The following PTPRD variants were observed in gnomAD, a reference collection of about 807,000 sequenced individuals.
The protein encoded by PTPRD is receptor-type tyrosine-protein phosphatase delta.
PTPRD carries 34 observed loss-of-function variants against 214.5 expected under a neutral mutation model. That is an observed-to-expected ratio of 0.16 (90% CI 0.12 to 0.21). The LOEUF is 0.21. Among genes scored for constraint, PTPRD ranks in the 10% least tolerant of loss-of-function variants. The pLI is 1.00. For missense variants in PTPRD, 2,545 were observed against 2,398.7 expected, an observed-to-expected ratio of 1.06 and a Z score of -1.27; for synonymous variants, 1,128 against 845.7, an observed-to-expected ratio of 1.33 and a Z score of -5.79.
chr9:8,507,755 T>C (rs1400997715), intron 21 of PTPRD, among the ~76,000 whole-genome samples: 2 of 152,170 alleles, frequency 1.3e-5, no homozygotes, highest in Non-Finnish European at 2.9e-5. Context: ...AATAATATAA[T>C]TTACATAAAG....
At chr9:10,173,104 A>G (rs1464822863) in intron 3 of PTPRD, among the ~76,000 whole-genome samples, 6 of 152,306 alleles carry the variant, frequency 3.9e-5, no homozygotes, top group Middle Eastern at 6.8e-3. Flanking sequence ...TATTTGGAAT[A>G]TAACATTAGC....
chr9:9,195,416 GT>G (rs1199024602), intron 9 of PTPRD, among the ~76,000 whole-genome samples: 1 of 152,034 alleles, frequency 6.6e-6, no homozygotes, highest in African/African-American at 2.4e-5. Context: ...AGAATATCTC[GT>G]TTAGTCTAAA....
At position 9,083,519 on chromosome 9, in the gene PTPRD, A is replaced by G. The variant is rs549365893; in HGVS notation, c.-142-64784T>C. ...CTAAGGCTTCATGACTAAAACATCA[A>G]AGCAATAGCAACAAAAGCCAAAATT... On this transcript the variant is annotated intron_variant, in intron 10 of 45. Coordinates refer to ENST00000381196, the MANE Select transcript of PTPRD (RefSeq NM_002839.4). Among the ~76,000 whole-genome samples the G allele has an allele frequency of 3.9e-5, 6 of 152,310 alleles. No homozygotes were observed. The East Asian group carries it at 1.2e-3, about 29-fold the overall frequency.
chr9:9,644,705 T>A (rs1408683450), intron 7 of PTPRD, among the ~76,000 whole-genome samples: 2 of 138,394 alleles, frequency 1.4e-5, no homozygotes, highest in African/African-American at 5.4e-5. Flanking sequence ...AGCCAAAATG[T>A]TGCTTTTTCC....
chr9:9,413,179 A>G (rs1462655054), intron 8 of PTPRD, among the ~76,000 whole-genome samples: 4 of 130,280 alleles, frequency 3.1e-5, no homozygotes, highest in Non-Finnish European at 4.6e-5. Flanking sequence ...CAGTGGCGCA[A>G]TCTCGGCTCA....
intron 3 of PTPRD, among the ~76,000 whole-genome samples, chr9:10,203,275 C>A (rs749249403): frequency 2.7e-5 from 4 of 150,802 alleles, no homozygotes; most frequent in African/African-American, 9.8e-5. Context: ...AGGAAGCACT[C>A]AATAAATCAT....
intron 9 of PTPRD, among the ~76,000 whole-genome samples, chr9:9,262,515 T>G (rs1255515997): frequency 6.6e-6 from 1 of 151,536 alleles, no homozygotes; most frequent in African/African-American, 2.4e-5. Context: ...GCTACTATAT[T>G]GGGCAGTGTA....
intron 10 of PTPRD, among the ~76,000 whole-genome samples, chr9:9,067,183 T>C (rs759310588): frequency 2.6e-5 from 4 of 152,200 alleles, no homozygotes; most frequent in Non-Finnish European, 5.9e-5. Context: ...TGAGCCTAGA[T>C]AGCACCATTG....
At chr9:8,419,589 A>C (rs1394710266) in intron 35 of PTPRD, among the ~76,000 whole-genome samples, 1 of 152,130 alleles carries the variant, frequency 6.6e-6, no homozygotes, top group Non-Finnish European at 1.5e-5. Flanking sequence ...ATCTTAACCA[A>C]TGATTTACAA....
chr9:10,561,160 C>A (rs1433768035), intron 2 of PTPRD, among the ~76,000 whole-genome samples: 1 of 152,036 alleles, frequency 6.6e-6, no homozygotes, highest in Admixed American at 6.6e-5. Context: ...TAAACAGACC[C>A]ATGGTTGAAA....
intron 5 of PTPRD, among the ~76,000 whole-genome samples, chr9:9,878,256 T>C (rs944861289): frequency 2.0e-5 from 3 of 152,160 alleles, no homozygotes; most frequent in Non-Finnish European, 4.4e-5. Flanking sequence ...GGAATATATA[T>C]GTCATGTACT....
chr9:8,557,455 T>TATATATATATGTATATATATATAC, intron 14 of PTPRD, among the ~76,000 whole-genome samples: 1 of 135,640 alleles, frequency 7.4e-6, no homozygotes, highest in African/African-American at 3.5e-5. Flanking sequence ...TATATATATA[T>TATATATATATGTATATATATATAC]ATTTGGGCCG....
chr9:9,940,379 C>T (rs1409303437), intron 4 of PTPRD, among the ~76,000 whole-genome samples: 1 of 152,080 alleles, frequency 6.6e-6, no homozygotes, highest in African/African-American at 2.4e-5. Context: ...TGTCAATGAA[C>T]TCCATCAGGC....
intron 7 of PTPRD, among the ~76,000 whole-genome samples, chr9:9,619,932 G>C (rs1003364818): frequency 6.6e-6 from 1 of 150,784 alleles, no homozygotes; most frequent in Non-Finnish European, 1.5e-5. Context: ...AATATAGATA[G>C]ATATTTCTAC....
chr9:10,473,520 G>T (rs1341350682), intron 2 of PTPRD, among the ~76,000 whole-genome samples: 1 of 152,110 alleles, frequency 6.6e-6, no homozygotes, highest in Non-Finnish European at 1.5e-5. Context: ...ATGCGTGAGT[G>T]TGAGTGTGTA....
At chr9:10,279,044 G>GA (rs2094927391) in intron 3 of PTPRD, among the ~76,000 whole-genome samples, 2 of 152,132 alleles carry the variant, frequency 1.3e-5, no homozygotes, top group Admixed American at 6.5e-5. Flanking sequence ...AAAGTGCTGG[G>GA]CTCACAGGCC....
chr9:9,882,604 T>C (rs1178645215), intron 5 of PTPRD, among the ~76,000 whole-genome samples: 1 of 152,162 alleles, frequency 6.6e-6, no homozygotes, highest in Non-Finnish European at 1.5e-5. Flanking sequence ...TTTCAGACTC[T>C]GAGAATTATC....
intron 5 of PTPRD, among the ~76,000 whole-genome samples, chr9:9,864,330 A>T (rs76956956): frequency 2.9e-5 from 4 of 139,348 alleles, no homozygotes; most frequent in East Asian, 4.1e-4. Context: ...GAGAAAGATT[A>T]AAAAAAAAAA....
intron 9 of PTPRD, among the ~76,000 whole-genome samples, chr9:9,351,177 T>G (rs2050970198): frequency 6.6e-6 from 1 of 151,950 alleles, no homozygotes; most frequent in Non-Finnish European, 1.5e-5. Flanking sequence ...AGAAACCAAA[T>G]GTACAGATTT....
Sources: allele counts gnomAD v4.1 joint callset (sites outside exome capture counted in the v4.1 genomes callset), GRCh38; gene constraint gnomAD v4.1.1; transcripts MANE v1.5; gene names NCBI Gene and HGNC (gene_info 2026-07-23, HGNC 2026-07-21).